WDR88: variants seen among roughly 807,000 people sequenced by gnomAD.
The protein encoded by WDR88 is WD repeat-containing protein 88.
In WDR88, 40 loss-of-function variants were observed where a neutral mutation model predicts 46.8. The ratio of observed to expected loss-of-function variants is 0.86; its 90% CI spans 0.66 to 1.11. The LOEUF (loss-of-function observed/expected upper bound fraction) is 1.11, where lower values mean the gene tolerates loss of function less well. Among genes scored for constraint, WDR88 ranks in the 50% most tolerant of loss-of-function variants. WDR88 has a pLI of 0.00. For synonymous variants in WDR88, 235 were observed against 240.7 expected (o/e 0.98, Z 0.22); for missense variants, 562 against 602.4 (o/e 0.93, Z 0.70).
In WDR88 at chr19:33,160,513, T is replaced by TGA. The variant is rs763755174; in HGVS notation, c.1080+20_1080+21dup. ...TCTTTGAAGGTACATGTGGCCAGCATGAGATTGAGGATCTGAACTTCCCTC... is the reference window on the plus strand; with the variant it reads ...TCTTTGAAGGTACATGTGGCCAGCATGAGAGATTGAGGATCTGAACTTCCCTC... On this transcript the variant is annotated intron_variant, in intron 8 of 10. Coordinates refer to ENST00000355868, the MANE Select transcript of WDR88 (RefSeq NM_173479.4). 174 of 1,613,376 alleles carry TGA rather than the reference T, an allele frequency of 1.1e-4. No homozygotes were observed. Among genetic ancestry groups the TGA allele is most frequent in the Non-Finnish European group, 1.4e-4 (162 of 1,179,462 alleles).
intron 10 of WDR88, among the ~76,000 whole-genome samples, chr19:33,172,916 C>G (rs1289064226): frequency 4.0e-5 from 6 of 151,710 alleles, no homozygotes. Flanking sequence ...ATGGTTAAGT[C>G]CTGTCTCTAC....
chr19:33,159,114 T>G (rs1973817491), intron 7 of WDR88, among the ~76,000 whole-genome samples: 1 of 151,504 alleles, frequency 6.6e-6, no homozygotes, highest in Non-Finnish European at 1.5e-5. Context: ...GAGTATTGCT[T>G]GAACCCAGGA....
At chr19:33,140,336 T>C (rs1973364101) in intron 2 of WDR88, among the ~76,000 whole-genome samples, 1 of 152,102 alleles carries the variant, frequency 6.6e-6, no homozygotes, top group African/African-American at 2.4e-5. Flanking sequence ...TTATATTTTA[T>C]ATTGTAGAGA....
intron 6 of WDR88, among the ~76,000 whole-genome samples, chr19:33,153,605 C>T (rs979638262): frequency 1.1e-4 from 16 of 152,104 alleles, no homozygotes; most frequent in Non-Finnish European, 1.8e-4. Flanking sequence ...AGCAATTCTC[C>T]TGCCTCAGCC....
chr19:33,141,847 A>C (rs558638841), intron 2 of WDR88, among the ~76,000 whole-genome samples: 1 of 151,958 alleles, frequency 6.6e-6, no homozygotes, highest in African/African-American at 2.4e-5. Context: ...CGCCCGGCTA[A>C]TTTTTGTATT....
At chr19:33,174,373 G>A (rs1599922461) in intron 10 of WDR88, 3 of 1,431,380 alleles carry the variant, frequency 2.1e-6, no homozygotes, top group Non-Finnish European at 9.2e-7. Flanking sequence ...GGCTGGGAGA[G>A]CCAGGGCAGG....
intron 9 of WDR88, 81 bp downstream of exon 9, chr19:33,164,346 TC>T (rs1973919752): frequency 1.4e-6 from 2 of 1,392,682 alleles, no homozygotes; most frequent in Non-Finnish European, 2.0e-6. Flanking sequence ...AGTATAAAAT[TC>T]CTGGGTGGGT....
At chr19:33,170,619 G>A (rs976175944) in intron 9 of WDR88, among the ~76,000 whole-genome samples, 1 of 152,148 alleles carries the variant, frequency 6.6e-6, no homozygotes, top group Non-Finnish European at 1.5e-5. Context: ...CCAGCAATTT[G>A]GGAGGCTGAG....
At chr19:33,139,512 G>C (rs1210266531) in intron 2 of WDR88, among the ~76,000 whole-genome samples, 1 of 152,160 alleles carries the variant, frequency 6.6e-6, no homozygotes, top group Non-Finnish European at 1.5e-5. Context: ...TGGGTAACGG[G>C]GAAGAGGATA....
intron 1 of WDR88, among the ~76,000 whole-genome samples, chr19:33,133,807 C>G (rs1224688709): frequency 6.6e-6 from 1 of 152,216 alleles, no homozygotes; most frequent in Non-Finnish European, 1.5e-5. Flanking sequence ...TCCCTGCCCC[C>G]ACGGTATTGC....
Position 33,164,246 on chromosome 19 carries a change from G to A in WDR88, c.1130G>A (p.Trp377Ter), listed in dbSNP as rs1456726393. The A allele has an allele frequency of 6.2e-7, 1 of 1,614,064 alleles. No homozygotes were observed. Residue 377 changes from tryptophan (W) to a stop codon, truncating the protein, a stop_gained, in exon 9 of 11, where the codon TGG (tryptophan) becomes TAG (stop). Coordinates refer to ENST00000355868, the MANE Select transcript of WDR88 (RefSeq NM_173479.4). LOFTEE classifies it high-confidence loss of function. ...MDVAISNNKK[W>*]ILSASKDRTM... The stretch of plus-strand genomic sequence containing the variant: ...GTTGCCATTAGCAACAACAAGAAAT[G>A]GATCCTGTCTGCTTCCAAGGTAAAA...
intron 7 of WDR88, 78 bp downstream of exon 7, chr19:33,156,620 C>G: frequency 6.8e-7 from 1 of 1,464,396 alleles, no homozygotes; most frequent in African/African-American, 1.4e-5. Context: ...TTCAAATGGA[C>G]AGAGAGGCAA....
In WDR88 at chr19:33,137,533, G is replaced by A. The variant is rs556769151; in HGVS notation, c.277-144G>A. The A allele has an allele frequency of 5.5e-4, 357 of 653,262 alleles. 1 individual carries two copies. The African/African-American group carries it at 5.5e-3, about 10-fold the overall frequency. 40.5% of individuals were successfully genotyped at this position (653,262 alleles called of 1,614,324 possible). On this transcript the variant is annotated intron_variant, in intron 1 of 10. Coordinates refer to ENST00000355868, the MANE Select transcript of WDR88 (RefSeq NM_173479.4). ...CTCCCAAAGTGCTGGGATTACAGAC[G>A]TGAACCACCCCCCTGGCCAGAATTT...
intron 6 of WDR88, among the ~76,000 whole-genome samples, chr19:33,153,499 CCGA>C (rs1438456609): frequency 2.0e-5 from 3 of 151,966 alleles, no homozygotes; most frequent in South Asian, 2.1e-4. Context: ...TATAGCCCGA[CCGA>C]CATTATGAAT....
intron 7 of WDR88, among the ~76,000 whole-genome samples, chr19:33,157,629 ATGTG>A (rs1568367489): frequency 6.4e-5 from 9 of 139,750 alleles, no homozygotes; most frequent in African/African-American, 2.4e-4. Context: ...ATATATATGT[ATGTG>A]TATATATGTG....
At chr19:33,174,071 C>G (rs538738256) in intron 10 of WDR88, 2 of 1,202,498 alleles carry the variant, frequency 1.7e-6, no homozygotes, top group Non-Finnish European at 2.3e-6. Context: ...AGGTTGGTCT[C>G]GAACTCCTGA....
At chr19:33,166,559 T>C (rs1973957650) in intron 9 of WDR88, among the ~76,000 whole-genome samples, 1 of 151,910 alleles carries the variant, frequency 6.6e-6, no homozygotes, top group Non-Finnish European at 1.5e-5. Flanking sequence ...ATCATGCCAT[T>C]ATACTCCAGC....
chr19:33,165,901 C>CAAAA (rs34888884), intron 9 of WDR88, among the ~76,000 whole-genome samples: 1 of 109,164 alleles, frequency 9.2e-6, no homozygotes. Flanking sequence ...AACTCTGTCT[C>CAAAA]AAAAAAAAAA....
rs35300109 is a variant in WDR88 at position 33,163,332 on chromosome 19, CA to C, written c.1081-851del. 3.7e-3 allele frequency among the ~76,000 whole-genome samples: 510 copies of C among 139,468 alleles called. 6 individuals carry two copies. Among genetic ancestry groups the C allele is most frequent in the East Asian group, 0.035 (167 of 4,798 alleles). The allele number at this position is 139,468 out of a possible 152,430, so 91.5% of individuals were successfully genotyped here. A position where few individuals can be genotyped will look rare whatever the true frequency, so the allele number is the denominator to read the frequency against. On this transcript the variant is annotated intron_variant, in intron 8 of 10. Transcript: ENST00000355868. ...TGGGTGACAGAGCGAGACTCCGTCTCAAAAAAAAAAAAAATTAGCTGGGCAT... is the reference window on the plus strand; with the variant it reads ...TGGGTGACAGAGCGAGACTCCGTCTCAAAAAAAAAAAAATTAGCTGGGCAT...
Sources: allele counts gnomAD v4.1 joint callset (sites outside exome capture counted in the v4.1 genomes callset), GRCh38; gene constraint gnomAD v4.1.1; transcripts MANE v1.5; gene names NCBI Gene and HGNC (gene_info 2026-07-23, HGNC 2026-07-21).